Variants in NEK1 observed in about 807,000 individuals in gnomAD.
NEK1 encodes NIMA related kinase 1.
In NEK1, 137 loss-of-function variants were observed where a neutral mutation model predicts 182.1. That is an observed-to-expected ratio of 0.75 (90% CI 0.65 to 0.87). NEK1 has a LOEUF of 0.87. Ranked by LOEUF, NEK1 falls within the 40% of genes least tolerant of loss-of-function variation. The pLI, the probability that NEK1 is intolerant of heterozygous loss-of-function variation, is 0.00. For synonymous variants in NEK1, 513 were observed against 492.2 expected (o/e 1.04, Z -0.56); for missense variants, 1,391 against 1,494.4 (o/e 0.93, Z 1.14).
chr4:169,565,930 T>C (rs1763607677), intron 12 of NEK1, among the ~76,000 whole-genome samples: 1 of 152,220 alleles, frequency 6.6e-6, no homozygotes, highest in Admixed American at 6.5e-5. Flanking sequence ...AATTGAAAAC[T>C]TTTAATGGCT....
chr4:169,447,153 T>A (rs1740724903), intron 27 of NEK1, among the ~76,000 whole-genome samples: 1 of 152,054 alleles, frequency 6.6e-6, no homozygotes. Flanking sequence ...CTAATCAAAC[T>A]CCAAAAGGTC....
At position 169,585,458 on chromosome 4, in the gene NEK1, C is replaced by T. The variant is rs765712201; in HGVS notation, c.698G>A (p.Ser233Asn). 41 of 1,613,344 alleles carry T rather than the reference C, an allele frequency of 2.5e-5. No homozygotes were observed. Among genetic ancestry groups the T allele is most frequent in the Non-Finnish European group, 3.5e-5 (41 of 1,179,522 alleles). The change falls in exon 10 of 36, where the codon AGT becomes AAT. Residue 233 changes from serine (S) to asparagine (N), a missense_variant. Transcript: ENST00000507142. ...VSLHYSYDLR[S>N]LVSQLFKRNP... Reference sequence around the variant, plus strand: ...TCTTTTAAATAACTGAGACACCAAACTGCGGAGATCATAGGAATAATGCAA... The same window carrying T: ...TCTTTTAAATAACTGAGACACCAAATTGCGGAGATCATAGGAATAATGCAA...
At chr4:169,476,481 A>C (rs1319501715) in intron 26 of NEK1, among the ~76,000 whole-genome samples, 1 of 152,176 alleles carries the variant, frequency 6.6e-6, no homozygotes, top group Non-Finnish European at 1.5e-5. Context: ...ACTGTTGAAT[A>C]AATAAGCAAA....
intron 28 of NEK1, 99 bp from the exon 29 acceptor site, chr4:169,433,764 T>C: frequency 1.7e-6 from 2 of 1,196,372 alleles, no homozygotes; most frequent in Admixed American, 4.7e-5. Flanking sequence ...AGTTTTAGGG[T>C]AATATATTCA....
At chr4:169,455,119 C>G (rs1198822790) in intron 27 of NEK1, among the ~76,000 whole-genome samples, 1 of 152,102 alleles carries the variant, frequency 6.6e-6, no homozygotes, top group Non-Finnish European at 1.5e-5. Context: ...TAGGTGGGAA[C>G]TGAACAATGA....
intron 27 of NEK1, among the ~76,000 whole-genome samples, 172 bp downstream of exon 27, chr4:169,463,071 C>G (rs965590033): frequency 1.3e-5 from 2 of 151,946 alleles, no homozygotes; most frequent in Non-Finnish European, 2.9e-5. Flanking sequence ...CTCAAGACTA[C>G]CATTTGGACA....
chr4:169,609,299 C>A (rs1480504103), intron 2 of NEK1, among the ~76,000 whole-genome samples: 1 of 151,960 alleles, frequency 6.6e-6, no homozygotes, highest in African/African-American at 2.4e-5. Context: ...GCAACATCTA[C>A]CAAAATTATA....
chr4:169,561,995 T>G, intron 13 of NEK1, 104 bp from the exon 14 acceptor site: 4 of 1,097,890 alleles, frequency 3.6e-6, no homozygotes, highest in Non-Finnish European at 5.1e-6. Context: ...CAATGAGGTT[T>G]TTTTTTTAAA....
At chr4:169,465,370 G>A (rs1306915324) in intron 26 of NEK1, among the ~76,000 whole-genome samples, 1 of 152,082 alleles carries the variant, frequency 6.6e-6, no homozygotes, top group Non-Finnish European at 1.5e-5. Flanking sequence ...GAAAACAGAG[G>A]TGGAGTCAAT....
At chr4:169,412,837 G>A (rs1018390969) in intron 31 of NEK1, among the ~76,000 whole-genome samples, 3 of 146,472 alleles carry the variant, frequency 2.0e-5, no homozygotes, top group Non-Finnish European at 4.5e-5. Flanking sequence ...GCTTATCTAC[G>A]TTTCAGGAGC....
chr4:169,472,636 C>A (rs143517201), intron 26 of NEK1, among the ~76,000 whole-genome samples: 1 of 152,242 alleles, frequency 6.6e-6, no homozygotes, highest in Non-Finnish European at 1.5e-5. Context: ...TGCCTCCATG[C>A]ATCCTTTCAC....
chr4:169,547,723 A>C (rs1431479766), intron 18 of NEK1, among the ~76,000 whole-genome samples: 1 of 151,712 alleles, frequency 6.6e-6, no homozygotes, highest in Non-Finnish European at 1.5e-5. Flanking sequence ...CATTGAGTTG[A>C]TCTTCAATCT....
At chr4:169,589,985 C>A (rs1022623599) in intron 6 of NEK1, among the ~76,000 whole-genome samples, 3 of 151,588 alleles carry the variant, frequency 2.0e-5, no homozygotes, top group African/African-American at 7.3e-5. Flanking sequence ...ACAATAACAA[C>A]AAAAAAAACC....
At chr4:169,605,880 T>C (rs1277067286) in intron 2 of NEK1, among the ~76,000 whole-genome samples, 1 of 152,148 alleles carries the variant, frequency 6.6e-6, no homozygotes, top group Non-Finnish European at 1.5e-5. Context: ...TTTTTGATAT[T>C]TGAGCTTTCC....
At chr4:169,497,521 T>C (rs1020118469) in intron 23 of NEK1, among the ~76,000 whole-genome samples, 1 of 152,234 alleles carries the variant, frequency 6.6e-6, no homozygotes, top group African/African-American at 2.4e-5. Flanking sequence ...AGATCTTTCC[T>C]GCTTTCTCTT....
intron 4 of NEK1, among the ~76,000 whole-genome samples, chr4:169,600,525 G>A (rs1770305057): frequency 6.6e-6 from 1 of 152,156 alleles, no homozygotes; most frequent in Admixed American, 6.5e-5. Context: ...CTTATACTTT[G>A]TGGTGACATT....
intron 31 of NEK1, among the ~76,000 whole-genome samples, chr4:169,418,489 A>G (rs924714709): frequency 2.6e-5 from 4 of 152,368 alleles, no homozygotes; most frequent in African/African-American, 9.6e-5. Context: ...ACTCGCACAT[A>G]AGGATATTAA....
intron 32 of NEK1, 30 bp from the exon 33 acceptor site, chr4:169,401,890 T>C: frequency 6.5e-7 from 1 of 1,546,788 alleles, no homozygotes; most frequent in Non-Finnish European, 8.8e-7. Context: ...ACTAAAAGTT[T>C]CAAACATACT....
In NEK1 at chr4:169,406,530, C is replaced by T. The variant is rs1209573079; in HGVS notation, c.3374+66G>A. ...TAAAAAAAAGAGCTAGGTAAGTTATCCCCTCTTTTTTACATATAAATTCAG... is the reference window on the plus strand; with the variant it reads ...TAAAAAAAAGAGCTAGGTAAGTTATTCCCTCTTTTTTACATATAAATTCAG... On this transcript the variant is annotated intron_variant, in intron 32 of 35. Transcript: ENST00000507142. The T allele has an allele frequency of 3.4e-6, 4 of 1,179,648 alleles. No homozygotes were observed. In the African/African-American group the frequency reaches 6.3e-5, roughly 19 times the overall value. 73.1% of individuals were successfully genotyped at this position (1,179,648 alleles called of 1,614,324 possible).
Sources: allele counts gnomAD v4.1 joint callset (sites outside exome capture counted in the v4.1 genomes callset), GRCh38; gene constraint gnomAD v4.1.1; transcripts MANE v1.5; gene names NCBI Gene and HGNC (gene_info 2026-07-23, HGNC 2026-07-21).